Variants in MAP2 observed in about 807,000 individuals in gnomAD.
MAP2 encodes microtubule associated protein 2, also known as microtubule-associated protein 2.
Under a neutral mutation model 137.6 loss-of-function variants are expected in MAP2, and 14 were observed. The observed-to-expected ratio is 0.10, with a 90% CI of 0.07 to 0.16. The LOEUF (loss-of-function observed/expected upper bound fraction) is 0.16. Among genes scored for constraint, MAP2 ranks in the 10% least tolerant of loss-of-function variants. The probability of loss-of-function intolerance (pLI) is 1.00; values close to 1 mark genes in which losing one functional copy is unlikely to be tolerated. For missense variants in MAP2, 2,088 were observed against 2,191.5 expected (o/e 0.95, Z 0.94); for synonymous variants, 786 against 782.3 (o/e 1.00, Z -0.08).
intron 1 of MAP2, among the ~76,000 whole-genome samples, chr2:209,475,693 G>A (rs7568354): frequency 0.8 from 122,297 of 152,042 alleles, 50,202 homozygotes; most frequent in Non-Finnish European, 0.9. Context: ...CTATTAATGT[G>A]TCAATTTTAA....
chr2:209,545,248 G>A (rs2067823540), intron 2 of MAP2, among the ~76,000 whole-genome samples: 1 of 152,150 alleles, frequency 6.6e-6, no homozygotes, highest in Non-Finnish European at 1.5e-5. Flanking sequence ...CCATCTGTCT[G>A]TGCTTAAGAT....
chr2:209,611,238 T>G (rs1039325081), intron 3 of MAP2, among the ~76,000 whole-genome samples: 4 of 152,060 alleles, frequency 2.6e-5, no homozygotes, highest in Non-Finnish European at 4.4e-5. Flanking sequence ...TATTGAGCAC[T>G]TGTGAGGAAT....
At chr2:209,492,212 A>G (rs996987696) in intron 1 of MAP2, among the ~76,000 whole-genome samples, 1 of 152,234 alleles carries the variant, frequency 6.6e-6, no homozygotes, top group Non-Finnish European at 1.5e-5. Context: ...CAATGGATGC[A>G]GAAAAGGCCT....
At chr2:209,632,206 A>T (rs2093136908) in intron 4 of MAP2, among the ~76,000 whole-genome samples, 1 of 152,192 alleles carries the variant, frequency 6.6e-6, no homozygotes, top group African/African-American at 2.4e-5. Flanking sequence ...AGAAACCTGT[A>T]GCTGAGGATA....
At chr2:209,465,086 A>G (rs1351983767) in intron 1 of MAP2, among the ~76,000 whole-genome samples, 1 of 152,100 alleles carries the variant, frequency 6.6e-6, no homozygotes, top group East Asian at 1.9e-4. Context: ...TTTTTTCCAA[A>G]GGTCGTGAAT....
chr2:209,658,289 G>A (rs2041854489), intron 5 of MAP2, among the ~76,000 whole-genome samples: 1 of 151,868 alleles, frequency 6.6e-6, no homozygotes. Context: ...AGTGTAATTG[G>A]TTTTGACTTC....
At chr2:209,685,090 A>G (rs1355661641) in intron 7 of MAP2, among the ~76,000 whole-genome samples, 1 of 152,096 alleles carries the variant, frequency 6.6e-6, no homozygotes, top group African/African-American at 2.4e-5. Flanking sequence ...CCTTTGCCCA[A>G]AATGTTATGG....
At chr2:209,476,012 T>C (rs948231543) in intron 1 of MAP2, among the ~76,000 whole-genome samples, 57 of 152,160 alleles carry the variant, frequency 3.7e-4, no homozygotes, top group African/African-American at 1.3e-3. Flanking sequence ...AAATGCTTTT[T>C]TAAATTTTAG....
chr2:209,539,934 GAA>G (rs397962922), intron 2 of MAP2, among the ~76,000 whole-genome samples: 3 of 82,144 alleles, frequency 3.7e-5, no homozygotes, highest in Non-Finnish European at 7.8e-5. Context: ...CCCATCTCAC[GAA>G]AAAAAAAAAA....
chr2:209,690,714 G>T, intron 7 of MAP2: 2 of 1,289,812 alleles, frequency 1.6e-6, no homozygotes, highest in South Asian at 2.5e-5. Flanking sequence ...CTCAGTAAGG[G>T]CCAAATGGAG....
chr2:209,451,494 G>T lies in MAP2; in HGVS notation c.-222+27218G>T, dbSNP rs963480571. 2.0e-5 allele frequency among the ~76,000 whole-genome samples: 3 copies of T among 152,162 alleles called. No homozygotes were observed. In the East Asian group the frequency reaches 5.8e-4, roughly 29 times the overall value. ...CTTTCCTGGCAGTAGCTGTGGTGGG[G>T]TCTGTTTACACTGTTCCCTCCCCTT... On this transcript the variant is annotated intron_variant, in intron 1 of 15. Coordinates refer to ENST00000682079, the MANE Select transcript of MAP2 (RefSeq NM_001375505.1).
intron 2 of MAP2, among the ~76,000 whole-genome samples, chr2:209,546,512 T>C (rs761287145): frequency 7.9e-5 from 12 of 152,218 alleles, no homozygotes; most frequent in Non-Finnish European, 1.6e-4. Flanking sequence ...GTTAATTGGG[T>C]CTGCCCTTTA....
intron 4 of MAP2, among the ~76,000 whole-genome samples, chr2:209,636,544 A>G (rs1253629849): frequency 6.9e-6 from 1 of 144,762 alleles, no homozygotes; most frequent in Non-Finnish European, 1.5e-5. Context: ...AGTACAATAT[A>G]ATGTTATATA....
chr2:209,693,976 C>T lies in MAP2; in HGVS notation c.1806C>T (p.Val602=). 6.2e-7 allele frequency: 1 copy of T among 1,613,886 alleles called. No homozygotes were observed. The highest frequency in any genetic ancestry group is 8.5e-7 in the Non-Finnish European group (1 of 1,179,946). ...YYELSDTRES[V]HESIDTMSPM... ...AACTGAGTGACACTAGAGAAAGTGT[C>T]CATGAGTCTATTGATACCATGTCTC... Residue 602 remains valine (V), a synonymous_variant, in exon 8 of 16, where the codon GTC becomes GTT. Coordinates refer to ENST00000682079, the MANE Select transcript of MAP2 (RefSeq NM_001375505.1).
intron 11 of MAP2, chr2:209,704,096 C>T (rs1419756255): frequency 2.2e-6 from 1 of 450,096 alleles, no homozygotes; most frequent in Non-Finnish European, 4.4e-6. Flanking sequence ...AGGAACTTCC[C>T]AATAGGAAGT....
intron 10 of MAP2, among the ~76,000 whole-genome samples, chr2:209,699,720 C>A (rs760133671): frequency 3.9e-5 from 6 of 152,260 alleles, no homozygotes; most frequent in South Asian, 2.1e-4. Flanking sequence ...GGCATTTTCA[C>A]ATCAAACAAG....
chr2:209,680,334 TAG>T (rs1273501565), intron 6 of MAP2, among the ~76,000 whole-genome samples: 1 of 152,130 alleles, frequency 6.6e-6, no homozygotes, highest in African/African-American at 2.4e-5. Flanking sequence ...AGTTGAACAA[TAG>T]AGAGTTCTAA....
intron 1 of MAP2, among the ~76,000 whole-genome samples, chr2:209,432,761 T>C (rs1356575158): frequency 6.6e-6 from 1 of 152,190 alleles, no homozygotes; most frequent in Non-Finnish European, 1.5e-5. Flanking sequence ...GTTGTGCATA[T>C]TGGTCTTCCT....
chr2:209,669,722 T>A (rs2047961075), intron 5 of MAP2, among the ~76,000 whole-genome samples: 1 of 151,822 alleles, frequency 6.6e-6, no homozygotes, highest in South Asian at 2.1e-4. Flanking sequence ...CATGTACAGA[T>A]GAGACTTTAA....
Sources: gnomAD v4.1 joint callset for allele counts (sites outside exome capture counted in the v4.1 genomes callset) on GRCh38, gnomAD v4.1.1 for gene constraint, MANE v1.5 for transcripts, NCBI Gene and HGNC (gene_info 2026-07-23, HGNC 2026-07-21) for gene names.